Variants in STAG2 observed in about 807,000 individuals in gnomAD.
STAG2 encodes cohesin subunit SA-2.
STAG2 carries 14 observed loss-of-function variants against 108.1 expected under a neutral mutation model. The observed-to-expected ratio is 0.13, with a 90% confidence interval of 0.09 to 0.20. The LOEUF is 0.20. STAG2 is among the 10% of genes least tolerant of loss of function. The pLI, the probability that STAG2 is intolerant of heterozygous loss-of-function variation, is 1.00. For missense variants in STAG2, 440 were observed against 940.9 expected, an observed-to-expected ratio of 0.47 and a Z score of 6.96; for synonymous variants, 307 against 302.7, an observed-to-expected ratio of 1.01 and a Z score of -0.15.
At chrX:124,000,747 G>C (rs1315407689) in intron 1 of STAG2, among the ~76,000 whole-genome samples, 2 of 111,418 alleles carry the variant, frequency 1.8e-5, no homozygotes, top group Non-Finnish European at 3.8e-5. Flanking sequence ...TCCAGAAAAA[G>C]GCACTGTTAT....
chrX:124,054,299 G>T (rs978043373), intron 13 of STAG2, among the ~76,000 whole-genome samples: 1 of 112,037 alleles, frequency 8.9e-6, no homozygotes, highest in Non-Finnish European at 1.9e-5. Flanking sequence ...ATTTAATACT[G>T]CAGCTCAGTG....
At position 124,095,467 on chromosome X, in the gene STAG2, G is replaced by A. The variant is rs1569521923; in HGVS notation, c.3783+18G>A. On this transcript the variant is annotated intron_variant, in intron 34 of 34. Coordinates refer to ENST00000371145, the MANE Select transcript of STAG2 (RefSeq NM_001042750.2). ...ATGAATCAGTAGGTTTAATTTAAAT[G>A]TACCCTAGGATTGCAAAATCAGAAG... 2.6e-6 allele frequency: 3 copies of A among 1,163,623 alleles called. No individual in the cohort carries two copies. Among genetic ancestry groups the A allele is most frequent in the Non-Finnish European group, 3.5e-6 (3 of 852,255 alleles).
rs747854079 is a variant in STAG2 at position 124,061,325 on chromosome X, A to T, written c.1518A>T (p.Pro506=). 2 of 1,197,868 alleles carry T rather than the reference A, an allele frequency of 1.7e-6. No homozygotes were observed. The highest frequency in any genetic ancestry group is 1.8e-5 in the South Asian group (1 of 56,193). Residue 506 remains proline (P), a synonymous_variant, in exon 16 of 35, where the codon CCA becomes CCT. Transcript: ENST00000371145. ...ECMNSLLLEE[P]LSGEEALTDR... ...TGAATAGCTTGTTACTGGAAGAGCC[A>T]CTTAGTGGAGAGGAAGGTAAGGATG... is the stretch of plus-strand genomic sequence containing the variant.
At chrX:124,090,160 CAAAAAAAAAAA>C (rs758142487) in intron 30 of STAG2, among the ~76,000 whole-genome samples, 146 of 28,407 alleles carry the variant, frequency 5.1e-3, no homozygotes, top group Middle Eastern at 0.024. Flanking sequence ...GACTCTGTCT[CAAAAAAAAAAA>C]AAAAAAAAAA....
intron 32 of STAG2, 127 bp from the exon 33 acceptor site, chrX:124,093,891 C>A: frequency 1.4e-6 from 1 of 719,813 alleles, no homozygotes; most frequent in Non-Finnish European, 2.0e-6. Context: ...AATGCCTAAT[C>A]ATTCTCCCTG....
chrX:124,063,980 A>G lies in STAG2; in HGVS notation c.1954A>G (p.Ile652Val). The G allele has an allele frequency of 8.3e-7, 1 of 1,210,909 alleles. No homozygotes were observed. Residue 652 changes from isoleucine (I) to valine (V), a missense_variant, in exon 20 of 35, where the codon ATT becomes GTT. Physicochemically the swap from Ile to Val is conservative, Grantham distance 29. This residue lies in a region of STAG2 where 337 missense variants were observed against 649.3 expected (regional missense o/e 0.52). Transcript: ENST00000371145. The stretch of plus-strand genomic sequence containing the variant: ...GTTCACAATCTTCAACAGAGTAGAT[A>G]TTTCAAGAAGTCAACTGATAGATGA... ...EEFTIFNRVD[I>V]SRSQLIDELA... is the part of the protein sequence containing the mutation.
At position 123,969,952 on chromosome X, in the gene STAG2, GTT is replaced by G. The variant is rs749744551; in HGVS notation, c.-163+8122_-163+8123del. 9.6e-3 allele frequency among the ~76,000 whole-genome samples: 377 copies of G among 39,158 alleles called. 2 individuals carry two copies. The highest frequency in any genetic ancestry group is 0.038 in the African/African-American group (350 of 9,333). 34.0% of individuals were successfully genotyped at this position (39,158 alleles called of 115,157 possible). A position where few individuals can be genotyped will look rare whatever the true frequency, so the allele number is the denominator to read the frequency against. ...GTGAGCCACCGCACCCGGTCTTCCT[GTT>G]TTTTTTTTTTTTTTTTTTTTTTTTT... is the stretch of plus-strand genomic sequence containing the variant. On this transcript the variant is annotated intron_variant, in intron 1 of 34. Coordinates refer to ENST00000371145, the MANE Select transcript of STAG2 (RefSeq NM_001042750.2).
At chrX:124,086,869 A>G (rs765963265) in intron 30 of STAG2, 99 bp downstream of exon 30, 2 of 675,221 alleles carry the variant, frequency 3.0e-6, no homozygotes, top group South Asian at 3.2e-5. Context: ...TGTGTTCAAT[A>G]ATAGCTTACA....
chrX:124,066,253 G>A lies in STAG2; in HGVS notation c.2175G>A (p.Met725Ile), dbSNP rs2148343231. ...LLKTGIENGD[M>I]PEQIVIHALQ... is the part of the protein sequence containing the mutation. ...AAACTGGAATCGAAAATGGAGACAT[G>A]CCTGAGCAGGTTTTTATTTATTTGC... Residue 725 changes from methionine (M) to isoleucine (I), a missense_variant, in exon 22 of 35, where the codon ATG (methionine) becomes ATA (isoleucine). Transcript: ENST00000371145. The A allele has an allele frequency of 8.4e-7, 1 of 1,193,916 alleles. No homozygotes were observed. Among genetic ancestry groups the A allele is most frequent in the Non-Finnish European group, 1.1e-6 (1 of 888,620 alleles).
At chrX:124,063,628 T>C (rs1328667484) in intron 19 of STAG2, among the ~76,000 whole-genome samples, 2 of 111,953 alleles carry the variant, frequency 1.8e-5, no homozygotes, top group Non-Finnish European at 3.8e-5. Context: ...ATTCTCACCA[T>C]AGCCCTATGA....
rs1464833013 is a variant in STAG2 at position 123,969,594 on chromosome X, C to T, written c.-163+7738C>T. 6.3e-5 allele frequency among the ~76,000 whole-genome samples: 7 copies of T among 110,306 alleles called. No homozygotes were observed. In the East Asian group the frequency reaches 8.4e-4, roughly 13 times the overall value. ...AGGTGATAAATAGTTAATATCAGGG[C>T]CCCAAGTTATTAGGTTCATTAGTGA... On this transcript the variant is annotated intron_variant, in intron 1 of 34. Transcript: ENST00000371145.
chrX:124,063,453 G>A (rs1002732526), intron 19 of STAG2, among the ~76,000 whole-genome samples: 2 of 111,104 alleles, frequency 1.8e-5, no homozygotes, highest in African/African-American at 6.5e-5. Flanking sequence ...CATTTATAGA[G>A]ACTGGGGGTG....
chrX:123,962,916 A>T (rs2053934024), intron 1 of STAG2, among the ~76,000 whole-genome samples: 1 of 111,133 alleles, frequency 9.0e-6, no homozygotes, highest in Non-Finnish European at 1.9e-5. Flanking sequence ...GATTGGACTC[A>T]TTATCAGCTT....
At chrX:124,061,963 A>G (rs2058392888) in intron 17 of STAG2, 89 bp downstream of exon 17, 1 of 695,818 alleles carries the variant, frequency 1.4e-6, no homozygotes, top group Non-Finnish European at 2.0e-6. Flanking sequence ...CCATGAAACA[A>G]TTTTGTTTTA....
chrX:124,017,669 C>G (rs1175675045), intron 1 of STAG2, among the ~76,000 whole-genome samples: 1 of 111,193 alleles, frequency 9.0e-6, no homozygotes, highest in East Asian at 2.8e-4. Context: ...TGCAAAGATT[C>G]AAGCATCATC....
intron 1 of STAG2, among the ~76,000 whole-genome samples, chrX:123,994,094 A>G (rs1362480890): frequency 8.9e-6 from 1 of 111,953 alleles, no homozygotes; most frequent in African/African-American, 3.2e-5. Flanking sequence ...GCATTGCACC[A>G]TATCTACTTG....
chrX:124,088,707 C>T (rs1434635120), intron 30 of STAG2, among the ~76,000 whole-genome samples: 2 of 106,945 alleles, frequency 1.9e-5, no homozygotes, highest in African/African-American at 6.9e-5. Flanking sequence ...CTCCCCCTCC[C>T]TTGTTCAAGC....
At chrX:124,086,448 T>A in intron 29 of STAG2, 99 bp from the exon 30 acceptor site, 1 of 593,763 alleles carries the variant, frequency 1.7e-6, no homozygotes, top group South Asian at 2.9e-5. Context: ...TAAGGCTGAG[T>A]TTGAGTAGTG....
chrX:124,061,450 TTAC>T (rs1025698386), intron 16 of STAG2, 109 bp downstream of exon 16: 2 of 563,276 alleles, frequency 3.6e-6, no homozygotes, highest in African/African-American at 4.6e-5. Flanking sequence ...TAGAAAAATC[TTAC>T]TTCGTGCATA....
Sources: gnomAD v4.1 joint callset for allele counts (sites outside exome capture counted in the v4.1 genomes callset) on GRCh38, gnomAD v4.1.1 for gene constraint, gnomAD v4.1.1 regional missense constraint, MANE v1.5 for transcripts, NCBI Gene and HGNC (gene_info 2026-07-23, HGNC 2026-07-21) for gene names.